The following CLTC variants were observed in gnomAD, a reference collection of about 807,000 sequenced individuals.
CLTC encodes clathrin heavy chain, also known as clathrin heavy chain 1.
CLTC carries 16 observed loss-of-function variants against 195.8 expected under a neutral mutation model. That is an observed-to-expected ratio of 0.08 (90% CI 0.06 to 0.12). The LOEUF (loss-of-function observed/expected upper bound fraction) is 0.12, where lower values mean the gene tolerates loss of function less well. Among genes scored for constraint, CLTC ranks in the 10% least tolerant of loss-of-function variants. CLTC has a pLI of 1.00. For missense variants in CLTC, 796 were observed against 2,027.0 expected (o/e 0.39, Z 11.66); for synonymous variants, 667 against 689.4 (o/e 0.97, Z 0.51).
At chr17:59,664,075 C>A (rs1217985102) in intron 9 of CLTC, 81 bp downstream of exon 9, 12 of 1,145,088 alleles carry the variant, frequency 1.0e-5, no homozygotes, top group Non-Finnish European at 1.5e-5. Context: ...CTCTTGATTA[C>A]TTTAATAGTG....
chr17:59,625,035 A>T (rs1280593428), intron 1 of CLTC, among the ~76,000 whole-genome samples: 2 of 152,126 alleles, frequency 1.3e-5, no homozygotes, highest in South Asian at 4.1e-4. Context: ...TTCAATATGT[A>T]ATCAGTATAA....
chr17:59,667,001 T>TA (rs777855095), intron 13 of CLTC, 24 bp downstream of exon 13: 2 of 1,574,812 alleles, frequency 1.3e-6, no homozygotes, highest in Non-Finnish European at 1.7e-6. Flanking sequence ...TTTGAGTTTT[T>TA]AAAAAAAGTA....
intron 1 of CLTC, among the ~76,000 whole-genome samples, chr17:59,622,676 T>C (rs967078555): frequency 2.6e-5 from 4 of 152,162 alleles, no homozygotes; most frequent in African/African-American, 9.7e-5. Context: ...GCCCAACTAA[T>C]AAGGATTATT....
At chr17:59,631,299 A>G (rs1420194624) in intron 1 of CLTC, among the ~76,000 whole-genome samples, 1 of 152,196 alleles carries the variant, frequency 6.6e-6, no homozygotes, top group African/African-American at 2.4e-5. Flanking sequence ...ATTGCTGTGT[A>G]CCTGTTACGT....
At chr17:59,646,577 G>C (rs1399453499) in intron 2 of CLTC, among the ~76,000 whole-genome samples, 2 of 152,118 alleles carry the variant, frequency 1.3e-5, no homozygotes, top group Non-Finnish European at 2.9e-5. Flanking sequence ...CCTAGTGATA[G>C]TTGTAGGCTT....
chr17:59,626,316 A>G (rs1029294875), intron 1 of CLTC, among the ~76,000 whole-genome samples: 1 of 152,204 alleles, frequency 6.6e-6, no homozygotes, highest in Admixed American at 6.5e-5. Context: ...TTGATATGAT[A>G]CAAAGTTGAT....
At chr17:59,634,580 G>A (rs2031811711) in intron 1 of CLTC, among the ~76,000 whole-genome samples, 1 of 152,148 alleles carries the variant, frequency 6.6e-6, no homozygotes, top group Admixed American at 6.5e-5. Flanking sequence ...TCCAACTGTG[G>A]TTGCTTCCTG....
chr17:59,646,648 C>T (rs1567942360), intron 2 of CLTC, among the ~76,000 whole-genome samples: 1 of 152,212 alleles, frequency 6.6e-6, no homozygotes, highest in Non-Finnish European at 1.5e-5. Flanking sequence ...ACTACAAGTA[C>T]AAGCCTTTGC....
At chr17:59,659,441 T>A (rs956769355) in intron 6 of CLTC, among the ~76,000 whole-genome samples, 1 of 139,544 alleles carries the variant, frequency 7.2e-6, no homozygotes, top group African/African-American at 2.6e-5. Context: ...TTTTATTTTT[T>A]ATTTTTAATT....
chr17:59,688,704 T>C (rs2033235904), intron 30 of CLTC, among the ~76,000 whole-genome samples: 1 of 152,220 alleles, frequency 6.6e-6, no homozygotes, highest in Non-Finnish European at 1.5e-5. Context: ...CCAGCTCTTC[T>C]AAGTCTTCCA....
At position 59,683,531 on chromosome 17, in the gene CLTC, A is replaced by G; in HGVS notation, c.4186A>G (p.Thr1396Ala). 3 of 1,613,848 alleles carry G rather than the reference A, an allele frequency of 1.9e-6. No homozygotes were observed. Among genetic ancestry groups the G allele is most frequent in the Non-Finnish European group, 2.5e-6 (3 of 1,179,872 alleles). Residue 1396 changes from threonine (T) to alanine (A), a missense_variant, in exon 26 of 32, where the codon ACC becomes GCC. By Grantham distance (58) the Thr-to-Ala change is moderately conservative. This residue lies in a region of CLTC where 102 missense variants were observed against 317.6 expected (regional missense o/e 0.32). Coordinates refer to ENST00000269122, the MANE Select transcript of CLTC (RefSeq NM_004859.4). The surrounding 1 kb of genome is among the most constrained non-coding windows in gnomAD (Gnocchi z 6.1). ...AGAAGGGCAATTCAAAGATATCATT[A>G]CCAAGGTGTGTACTTTCTTCAGAAG... ...WKEGQFKDII[T>A]KVANVELYYR...
intron 16 of CLTC, among the ~76,000 whole-genome samples, chr17:59,675,287 A>G (rs774374668): frequency 6.6e-6 from 1 of 152,168 alleles, no homozygotes; most frequent in Non-Finnish European, 1.5e-5. Context: ...CTTGAGTTCA[A>G]TTGATATTTA....
intron 1 of CLTC, among the ~76,000 whole-genome samples, chr17:59,620,873 CTCCCCT>C (rs1432616623): frequency 6.6e-6 from 1 of 152,186 alleles, no homozygotes; most frequent in Non-Finnish European, 1.5e-5. Flanking sequence ...GGAAACTCGC[CTCCCCT>C]TCCCCCTTTT....
chr17:59,660,365 G>C, intron 6 of CLTC, 26 bp from the exon 7 acceptor site: 1 of 1,595,972 alleles, frequency 6.3e-7, no homozygotes, highest in Admixed American at 1.7e-5. Context: ...ACACATTGCA[G>C]CTACATTTTA....
At chr17:59,649,489 A>G (rs2032276527) in intron 4 of CLTC, among the ~76,000 whole-genome samples, 1 of 152,206 alleles carries the variant, frequency 6.6e-6, no homozygotes, top group African/African-American at 2.4e-5. Context: ...TGGTGCTCCT[A>G]AAACAGAAGG....
intron 28 of CLTC, 80 bp from the exon 29 acceptor site, chr17:59,684,976 A>G: frequency 2.6e-6 from 3 of 1,137,640 alleles, no homozygotes; most frequent in Non-Finnish European, 3.6e-6. Context: ...GTTACCATCT[A>G]AGGGGCTCAT....
chr17:59,673,710 G>A lies in CLTC; in HGVS notation c.2356G>A (p.Asp786Asn). 6.4e-7 allele frequency: 1 copy of A among 1,564,480 alleles called. No individual in the cohort carries two copies. Among genetic ancestry groups the A allele is most frequent in the Admixed American group, 1.7e-5 (1 of 59,846 alleles). ...GTGTGATCGATTTGACTTTGTCCAT[G>A]ATTTGGTGCTCTATTTATATAGAAA... The part of the protein sequence containing the change: ...IVCDRFDFVH[D>N]LVLYLYRNNL... The change falls in exon 15 of 32, where the codon GAT becomes AAT. Residue 786 changes from aspartate (D) to asparagine (N), a missense_variant. By Grantham distance (23) the Asp-to-Asn change is conservative. Transcript: ENST00000269122.
intron 1 of CLTC, among the ~76,000 whole-genome samples, chr17:59,632,652 C>CA (rs544979374): frequency 9.8e-4 from 148 of 151,718 alleles, no homozygotes; most frequent in Non-Finnish European, 1.8e-3. Flanking sequence ...CAAAAACAAA[C>CA]AAAAAAATCC....
At chr17:59,667,860 C>T (rs542380878) in intron 13 of CLTC, among the ~76,000 whole-genome samples, 1 of 152,288 alleles carries the variant, frequency 6.6e-6, no homozygotes, top group African/African-American at 2.4e-5. Context: ...CCCCAACTGC[C>T]TTTCTCTCCT....
Sources: allele counts gnomAD v4.1 joint callset (sites outside exome capture counted in the v4.1 genomes callset), GRCh38; gene constraint gnomAD v4.1.1; regional missense constraint gnomAD v4.1.1; non-coding constraint Gnocchi (gnomAD v3.1); transcripts MANE v1.5; gene names NCBI Gene and HGNC (gene_info 2026-07-23, HGNC 2026-07-21).